Variants in TCF7 observed in about 807,000 individuals in gnomAD.
The protein encoded by TCF7 is transcription factor 7.
Under a neutral mutation model 46.8 loss-of-function variants are expected in TCF7, and 19 were observed. The observed-to-expected ratio is 0.41, with a 90% CI of 0.28 to 0.60. TCF7 has a LOEUF of 0.60. TCF7 is among the 20% of genes least tolerant of loss of function. The pLI is 0.35. For synonymous variants in TCF7, 245 were observed against 213.4 expected (o/e 1.15, Z -1.29); for missense variants, 547 against 504.6 (o/e 1.08, Z -0.81).
chr5:134,133,622 G>A (rs1358498278), intron 3 of TCF7, among the ~76,000 whole-genome samples: 2 of 152,138 alleles, frequency 1.3e-5, no homozygotes, highest in Non-Finnish European at 2.9e-5. Flanking sequence ...GCGCAAAGCG[G>A]GCTGGGGATT....
chr5:134,126,462 G>T (rs1757357940), intron 3 of TCF7, among the ~76,000 whole-genome samples: 1 of 152,232 alleles, frequency 6.6e-6, no homozygotes, highest in African/African-American at 2.4e-5. Flanking sequence ...TCACCACTGG[G>T]TTCTCAGTGC....
chr5:134,144,371 G>A (rs1760348654), intron 9 of TCF7: 1 of 230,850 alleles, frequency 4.3e-6, no homozygotes, highest in Admixed American at 5.1e-5. Context: ...ATCCCTTGAA[G>A]GAATGTAGGT....
rs756042640 is a variant in TCF7 at position 134,146,425 on chromosome 5, T to G, written c.*122T>G. 8.1e-7 allele frequency: 1 copy of G among 1,240,700 alleles called. No homozygotes were observed. Among genetic ancestry groups the G allele is most frequent in the African/African-American group, 1.5e-5 (1 of 67,454 alleles). The allele number at this position is 1,240,700 out of a possible 1,614,324, so 76.9% of individuals were successfully genotyped here. On this transcript the variant is annotated 3_prime_UTR_variant, in exon 10 of 10. Transcript: ENST00000342854. Reference sequence around the variant, plus strand: ...CTACATCCCCAGGTCTCTCCACTGCTCTCAGCCTCCCAACCCCAGGGCCCC... The same window carrying G: ...CTACATCCCCAGGTCTCTCCACTGCGCTCAGCCTCCCAACCCCAGGGCCCC...
intron 5 of TCF7, 82 bp downstream of exon 5, chr5:134,139,120 C>A: frequency 3.2e-6 from 5 of 1,548,286 alleles, no homozygotes; most frequent in East Asian, 4.8e-5. Context: ...CTCCTCCATC[C>A]CTCTTGGCTG....
At chr5:134,142,128 G>A (rs1170370597) in intron 5 of TCF7, 57 bp from the exon 6 acceptor site, 1 of 1,611,556 alleles carries the variant, frequency 6.2e-7, no homozygotes, top group Non-Finnish European at 8.5e-7. Flanking sequence ...CTCTGTGTGT[G>A]TCCAAAGGTC....
chr5:134,118,473 T>C (rs1036322317), intron 3 of TCF7, among the ~76,000 whole-genome samples: 1 of 152,208 alleles, frequency 6.6e-6, no homozygotes, highest in African/African-American at 2.4e-5. Context: ...GGACCTGCTC[T>C]GCCCATGTGT....
Position 134,115,370 on chromosome 5 carries a change from C to A in TCF7, c.299C>A (p.Pro100Gln), listed in dbSNP as rs762174577. Reference protein sequence around the residue: ...AAQRLFPDKLPEPLEDGLKAP... With the variant: ...AAQRLFPDKLQEPLEDGLKAP... ...CAGAGACTCTTCCCGGACAAACTTC[C>A]AGAGCCCCTGGAGGACGGTGAGTTT... The change falls in exon 2 of 10, where the codon CCA (proline) becomes CAA (glutamine). Residue 100 changes from proline (P) to glutamine (Q), a missense_variant. This residue lies in a region of TCF7 where 425 missense variants were observed against 349.9 expected (regional missense o/e 1.21). Coordinates refer to ENST00000342854, the MANE Select transcript of TCF7 (RefSeq NM_003202.5). 2.2e-5 allele frequency: 35 copies of A among 1,602,914 alleles called. No individual in the cohort carries two copies. The highest frequency in any genetic ancestry group is 2.6e-5 in the Non-Finnish European group (30 of 1,175,574).
chr5:134,144,607 T>C (rs1006414873), intron 9 of TCF7: 10 of 586,006 alleles, frequency 1.7e-5, no homozygotes, highest in Non-Finnish European at 3.1e-5. Context: ...TTTCCTGATA[T>C]CTTGGCTCTG....
chr5:134,143,562 T>C, intron 8 of TCF7, 30 bp from the exon 9 acceptor site: 1 of 1,614,034 alleles, frequency 6.2e-7, no homozygotes, highest in South Asian at 1.1e-5. Context: ...GCCTCCCAGA[T>C]CTGAGCATCC....
At chr5:134,122,704 T>A (rs1201125237) in intron 3 of TCF7, among the ~76,000 whole-genome samples, 1 of 152,154 alleles carries the variant, frequency 6.6e-6, no homozygotes, top group Non-Finnish European at 1.5e-5. Flanking sequence ...GCTGTTGTGG[T>A]CCCAAAGCCA....
chr5:134,145,558 G>GCCAGT, intron 9 of TCF7: 2 of 646,254 alleles, frequency 3.1e-6, no homozygotes, highest in Non-Finnish European at 5.4e-6. Context: ...CTAAGATAGA[G>GCCAGT]GGTACTCCAG....
chr5:134,111,697 C>A (rs1755332714), upstream of TCF7, among the ~76,000 whole-genome samples: 1 of 151,998 alleles, frequency 6.6e-6, no homozygotes, highest in South Asian at 2.1e-4. Context: ...AAAGTCAGGG[C>A]TCCATATTAG....
chr5:134,142,137 T>C (rs777527004), intron 5 of TCF7, 48 bp from the exon 6 acceptor site: 2 of 1,612,946 alleles, frequency 1.2e-6, no homozygotes, highest in Admixed American at 1.7e-5. Flanking sequence ...TGTCCAAAGG[T>C]CTGGCCCATA....
chr5:134,143,340 G>T (rs1288169694), intron 8 of TCF7: 1 of 776,228 alleles, frequency 1.3e-6, no homozygotes, highest in Non-Finnish European at 2.3e-6. Context: ...GGCCACATGG[G>T]CAGAAGGGGA....
Position 134,115,017 on chromosome 5 carries a change from CCG to C in TCF7, c.114_115del (p.Asp39GlnfsTer152). The C allele has an allele frequency of 7.9e-7, 1 of 1,258,114 alleles. No homozygotes were observed. Among genetic ancestry groups the C allele is most frequent in the East Asian group, 4.7e-5 (1 of 21,448 alleles). The allele number at this position is 1,258,114 out of a possible 1,614,324, so 77.9% of individuals were successfully genotyped here. On this transcript the variant is annotated frameshift_variant, in exon 1 of 10. Coordinates refer to ENST00000342854, the MANE Select transcript of TCF7 (RefSeq NM_003202.5). LOFTEE classifies it high-confidence loss of function. The part of the protein sequence containing the change: ...DEGEEQDDKS[R>X]DSAAGPERDL... ...AAGGCGAGGAGCAGGACGACAAGAGCCGCGACAGCGCCGCCGGTCCCGAGCGC... is the reference window on the plus strand; with the variant it reads ...AAGGCGAGGAGCAGGACGACAAGAGCCGACAGCGCCGCCGGTCCCGAGCGC...
At chr5:134,142,098 G>A (rs1305769426) in intron 5 of TCF7, 87 bp from the exon 6 acceptor site, 4 of 1,579,746 alleles carry the variant, frequency 2.5e-6, no homozygotes, top group Non-Finnish European at 2.6e-6. Context: ...GTGTCCTCAA[G>A]TTATGTATTA....
intron 3 of TCF7, among the ~76,000 whole-genome samples, chr5:134,128,019 G>A (rs74646568): frequency 6.6e-6 from 1 of 152,236 alleles, no homozygotes. Flanking sequence ...GAGACCCCCA[G>A]GCATAGAGAG....
Position 134,146,872 on chromosome 5 carries a change from C to T in TCF7, c.*569C>T. On this transcript the variant is annotated 3_prime_UTR_variant, in exon 10 of 10. Transcript: ENST00000342854. ...GCTGAACTGAGCCTAGCTACCTTCT[C>T]TACCCATCTCCCCCATCCCCCACTG... 1 of 317,112 alleles carries T rather than the reference C, an allele frequency of 3.2e-6. No homozygotes were observed. Among genetic ancestry groups the T allele is most frequent in the South Asian group, 3.5e-5 (1 of 28,366 alleles). The allele number at this position is 317,112 out of a possible 1,614,324, so 19.6% of individuals were successfully genotyped here. A position where few individuals can be genotyped will look rare whatever the true frequency, so the allele number is the denominator to read the frequency against.
chr5:134,146,694 C>A lies in TCF7; in HGVS notation c.*391C>A. On this transcript the variant is annotated 3_prime_UTR_variant, in exon 10 of 10. Coordinates refer to ENST00000342854, the MANE Select transcript of TCF7 (RefSeq NM_003202.5). ...AACCTGGGGTCATCGATTCAAACTG[C>A]TCCAAGTGGTGGGAATCAGATCTGT... 1 of 619,320 alleles carries A rather than the reference C, an allele frequency of 1.6e-6. No homozygotes were observed. Among genetic ancestry groups the A allele is most frequent in the Non-Finnish European group, 2.9e-6 (1 of 350,726 alleles). The allele number at this position is 619,320 out of a possible 1,614,324, so 38.4% of individuals were successfully genotyped here.
Sources: gnomAD v4.1 joint callset for allele counts (sites outside exome capture counted in the v4.1 genomes callset) on GRCh38, gnomAD v4.1.1 for gene constraint, gnomAD v4.1.1 regional missense constraint, MANE v1.5 for transcripts, NCBI Gene and HGNC (gene_info 2026-07-23, HGNC 2026-07-21) for gene names.